Variants in DTNBP1 observed in about 807,000 individuals in gnomAD.
The protein encoded by DTNBP1 is dystrobrevin binding protein 1.
A neutral mutation model predicts 42.8 loss-of-function variants in DTNBP1; 35 were observed. The ratio of observed to expected loss-of-function variants is 0.82; its 90% confidence interval spans 0.63 to 1.09. DTNBP1 has a LOEUF of 1.09. DTNBP1 is among the 50% of genes least tolerant of loss of function. The probability of loss-of-function intolerance (pLI) is 0.00; values close to 1 mark genes in which losing one functional copy is unlikely to be tolerated. For synonymous variants in DTNBP1, 171 were observed against 162.2 expected (o/e 1.05, Z -0.41); for missense variants, 457 against 424.2 (o/e 1.08, Z -0.68).
At chr6:15,641,193 T>C (rs553303863) in intron 3 of DTNBP1, among the ~76,000 whole-genome samples, 1 of 152,306 alleles carries the variant, frequency 6.6e-6, no homozygotes, top group Admixed American at 6.5e-5. Flanking sequence ...GATGCAATTG[T>C]TTTTTGTTTT....
chr6:15,600,951 G>C (rs1776705130), intron 6 of DTNBP1, among the ~76,000 whole-genome samples: 1 of 152,178 alleles, frequency 6.6e-6, no homozygotes, highest in Non-Finnish European at 1.5e-5. Context: ...CCTTATGGCT[G>C]GCAGATGAGC....
At position 15,616,094 on chromosome 6, in the gene DTNBP1, C is replaced by T. The variant is rs531616725; in HGVS notation, c.356-695G>A. On this transcript the variant is annotated intron_variant, in intron 5 of 9. Coordinates refer to ENST00000344537, the MANE Select transcript of DTNBP1 (RefSeq NM_032122.5). ...GATTCAAGACTAAAGCCTAGAAAAA[C>T]AAATACAGTGCCTTGCCCAGGCAAG... Among the ~76,000 whole-genome samples the T allele has an allele frequency of 1.4e-4, 22 of 152,322 alleles. No homozygotes were observed. In the South Asian group the frequency reaches 1.9e-3, roughly 13 times the overall value.
chr6:15,603,192 T>C (rs1285232531), intron 6 of DTNBP1, among the ~76,000 whole-genome samples: 1 of 152,224 alleles, frequency 6.6e-6, no homozygotes, highest in African/African-American at 2.4e-5. Flanking sequence ...TAAGGTGTGA[T>C]TACACATTTA....
At chr6:15,635,694 CT>C (rs1006061930) in intron 4 of DTNBP1, among the ~76,000 whole-genome samples, 2 of 152,162 alleles carry the variant, frequency 1.3e-5, no homozygotes, top group Non-Finnish European at 2.9e-5. Flanking sequence ...TAAGTATTCT[CT>C]GCCTATCAAT....
intron 5 of DTNBP1, among the ~76,000 whole-genome samples, chr6:15,624,577 A>T (rs1286537390): frequency 6.6e-6 from 1 of 152,240 alleles, no homozygotes; most frequent in African/African-American, 2.4e-5. Context: ...TAGAGAGCAA[A>T]GTAAGACCAA....
intron 1 of DTNBP1, among the ~76,000 whole-genome samples, chr6:15,654,474 A>C (rs1761174796): frequency 6.6e-6 from 1 of 152,196 alleles, no homozygotes. Flanking sequence ...GGAATTCCTA[A>C]GATCCTCTTT....
At position 15,585,925 on chromosome 6, in the gene DTNBP1, GT is replaced by G. The variant is rs376304949; in HGVS notation, c.511+7133del. ...CAAAGAAATTGTAGTAAGCCTATTA[GT>G]TTTTTGCTGATGGCTTAAGCAGATA... is the stretch of plus-strand genomic sequence containing the variant. On this transcript the variant is annotated intron_variant, in intron 7 of 9. Transcript: ENST00000344537. The G allele has an allele frequency of 2.2e-6, 3 of 1,385,516 alleles. No homozygotes were observed. The East Asian group carries it at 7.7e-5, about 36-fold the overall frequency. The allele number at this position is 1,385,516 out of a possible 1,614,324, so 85.8% of individuals were successfully genotyped here. A position where few individuals can be genotyped will look rare whatever the true frequency, so the allele number is the denominator to read the frequency against.
intron 1 of DTNBP1, among the ~76,000 whole-genome samples, chr6:15,661,860 T>C (rs775537496): frequency 6.6e-6 from 1 of 152,228 alleles, no homozygotes; most frequent in Non-Finnish European, 1.5e-5. Context: ...ATTAATTCAT[T>C]AATCCTTGTA....
intron 1 of DTNBP1, among the ~76,000 whole-genome samples, chr6:15,662,011 G>A (rs992162061): frequency 3.9e-5 from 6 of 152,172 alleles, no homozygotes; most frequent in Non-Finnish European, 7.3e-5. Context: ...CTCGGCCTGT[G>A]GTTCCCAGGC....
At chr6:15,571,896 A>G (rs900489191) in intron 7 of DTNBP1, among the ~76,000 whole-genome samples, 1 of 152,234 alleles carries the variant, frequency 6.6e-6, no homozygotes, top group Admixed American at 6.5e-5. Flanking sequence ...TCCCAAAATT[A>G]CTTTAATTCT....
chr6:15,644,771 T>C (rs549202406), intron 3 of DTNBP1, among the ~76,000 whole-genome samples: 1 of 152,050 alleles, frequency 6.6e-6, no homozygotes, highest in African/African-American at 2.4e-5. Flanking sequence ...ACCTCTGAGA[T>C]ACAGAAAAAG....
intron 9 of DTNBP1, chr6:15,523,744 T>A (rs1272317269): frequency 7.8e-7 from 1 of 1,287,266 alleles, no homozygotes; most frequent in East Asian, 5.5e-5. Flanking sequence ...GGGTTCACGC[T>A]GGTCTCCAGT....
intron 4 of DTNBP1, among the ~76,000 whole-genome samples, chr6:15,628,328 C>A (rs1452872299): frequency 6.7e-6 from 1 of 149,834 alleles, no homozygotes; most frequent in African/African-American, 2.5e-5. Context: ...TAACAAAACC[C>A]ATTATATGAC....
At chr6:15,627,983 A>T (rs1759452263) in intron 4 of DTNBP1, among the ~76,000 whole-genome samples, 1 of 152,218 alleles carries the variant, frequency 6.6e-6, no homozygotes, top group Admixed American at 6.5e-5. Context: ...ATATAAAGGA[A>T]TTTTGAGGAA....
At chr6:15,644,114 A>G (rs185013234) in intron 3 of DTNBP1, among the ~76,000 whole-genome samples, 1 of 152,182 alleles carries the variant, frequency 6.6e-6, no homozygotes, top group Admixed American at 6.5e-5. Context: ...AATGGAAACC[A>G]AAAGAGAACA....
intron 7 of DTNBP1, among the ~76,000 whole-genome samples, chr6:15,582,719 T>A (rs1414674880): frequency 1.3e-5 from 2 of 152,240 alleles, no homozygotes; most frequent in Non-Finnish European, 2.9e-5. Flanking sequence ...AGTTTCTGAC[T>A]GTTCAATTCC....
intron 5 of DTNBP1, among the ~76,000 whole-genome samples, chr6:15,626,460 A>G (rs79940161): frequency 0.012 from 1,894 of 152,294 alleles, 20 homozygotes; most frequent in South Asian, 0.022. Context: ...CAATATTAAA[A>G]ACAGGAGGAG....
chr6:15,580,681 T>C (rs1427947398), intron 7 of DTNBP1, among the ~76,000 whole-genome samples: 1 of 152,250 alleles, frequency 6.6e-6, no homozygotes, highest in Non-Finnish European at 1.5e-5. Flanking sequence ...AGACTAGTGA[T>C]TCAATTTTTT....
Position 15,660,382 on chromosome 6 carries a change from C to T in DTNBP1, c.56+2432G>A. The T allele has an allele frequency of 1.6e-6, 2 of 1,289,678 alleles. 1 individual carries two copies. Among genetic ancestry groups the T allele is most frequent in the Middle Eastern group, 4.3e-4 (2 of 4,696 alleles). The allele number at this position is 1,289,678 out of a possible 1,614,324, so 79.9% of individuals were successfully genotyped here. A position where few individuals can be genotyped will look rare whatever the true frequency, so the allele number is the denominator to read the frequency against. ...CAGCTTAAATGTAGGAAATTGAGGA[C>T]CTGAAGAAAGTGAACATCAGGCACT... On this transcript the variant is annotated intron_variant, in intron 1 of 9. Transcript: ENST00000344537.
Sources: allele counts gnomAD v4.1 joint callset (sites outside exome capture counted in the v4.1 genomes callset), GRCh38; gene constraint gnomAD v4.1.1; transcripts MANE v1.5; gene names NCBI Gene and HGNC (gene_info 2026-07-23, HGNC 2026-07-21).